Variants in NRG3 observed in about 807,000 individuals in gnomAD.
NRG3 encodes the protein neuregulin 3, also known as pro-neuregulin-3, membrane-bound isoform.
NRG3 carries 31 observed loss-of-function variants against 66.9 expected under a neutral mutation model. The observed-to-expected ratio is 0.46, with a 90% CI of 0.35 to 0.63. The LOEUF is 0.63. Ranked by LOEUF, NRG3 falls within the 20% of genes least tolerant of loss-of-function variation. The pLI, the probability that NRG3 is intolerant of heterozygous loss-of-function variation, is 0.00. For missense variants in NRG3, 910 were observed against 878.9 expected (o/e 1.04, Z -0.45); for synonymous variants, 393 against 359.4 (o/e 1.09, Z -1.06).
At chr10:82,257,666 A>G (rs888150022) in intron 1 of NRG3, among the ~76,000 whole-genome samples, 1 of 152,144 alleles carries the variant, frequency 6.6e-6, no homozygotes, top group Non-Finnish European at 1.5e-5. Context: ...ACTCAGGAGC[A>G]TGAGGTGGTA....
At chr10:82,472,780 G>A (rs1408920146) in intron 2 of NRG3, among the ~76,000 whole-genome samples, 3 of 152,158 alleles carry the variant, frequency 2.0e-5, no homozygotes, top group Admixed American at 1.3e-4. Flanking sequence ...CACTTTAAGA[G>A]ACTCATCTAC....
At chr10:82,502,479 A>C (rs1027409969) in intron 2 of NRG3, among the ~76,000 whole-genome samples, 1 of 152,232 alleles carries the variant, frequency 6.6e-6, no homozygotes, top group Non-Finnish European at 1.5e-5. Flanking sequence ...CTAAGCACCT[A>C]AATAAAGAGC....
intron 3 of NRG3, among the ~76,000 whole-genome samples, chr10:82,756,597 A>G (rs1312379368): frequency 6.6e-6 from 1 of 152,120 alleles, no homozygotes; most frequent in East Asian, 1.9e-4. Flanking sequence ...TTCAGAGTGG[A>G]GAAAGAAATA....
intron 1 of NRG3, among the ~76,000 whole-genome samples, chr10:82,147,206 C>T (rs1399095605): frequency 1.3e-5 from 2 of 152,188 alleles, no homozygotes; most frequent in African/African-American, 4.8e-5. Flanking sequence ...TTTCTCACAT[C>T]AACCATGTGA....
chr10:82,623,400 A>T lies in NRG3; in HGVS notation c.954-115177A>T, dbSNP rs1363962262. 2.6e-5 allele frequency among the ~76,000 whole-genome samples: 4 copies of T among 152,136 alleles called. No homozygotes were observed. The East Asian group carries it at 5.8e-4, about 22-fold the overall frequency. On this transcript the variant is annotated intron_variant, in intron 2 of 8. Coordinates refer to ENST00000372141, the MANE Select transcript of NRG3 (RefSeq NM_001010848.4). ...TCTCCCAGAACTACTTAGTTCATTT[A>T]TCTCTTCTCCAGTGTGGACTCTGAA...
intron 2 of NRG3, among the ~76,000 whole-genome samples, chr10:82,640,998 T>G (rs2050534304): frequency 2.0e-5 from 3 of 151,488 alleles, no homozygotes; most frequent in Admixed American, 6.6e-5. Context: ...TCTTTAAATT[T>G]TTCAGTCTGT....
At chr10:82,160,392 CCTGG>C (rs746427816) in intron 1 of NRG3, among the ~76,000 whole-genome samples, 22 of 152,012 alleles carry the variant, frequency 1.4e-4, no homozygotes, top group Middle Eastern at 3.4e-3. Context: ...TCTGAAGGTT[CCTGG>C]GAAAAGTCAT....
chr10:82,628,295 G>T (rs2133694481), intron 2 of NRG3, among the ~76,000 whole-genome samples: 1 of 152,218 alleles, frequency 6.6e-6, no homozygotes, highest in Admixed American at 6.5e-5. Flanking sequence ...TTACAAAGCT[G>T]TTCAGGAGAC....
intron 2 of NRG3, among the ~76,000 whole-genome samples, chr10:82,596,141 A>C (rs1216981925): frequency 6.6e-6 from 1 of 152,210 alleles, no homozygotes; most frequent in East Asian, 1.9e-4. Context: ...GCTTGCTTGC[A>C]AAAGGAGCCT....
chr10:82,166,086 G>A (rs372352196), intron 1 of NRG3, among the ~76,000 whole-genome samples: 3 of 151,854 alleles, frequency 2.0e-5, no homozygotes, highest in African/African-American at 4.8e-5. Context: ...GCAACAGCGC[G>A]ATCTCAGCTC....
intron 1 of NRG3, among the ~76,000 whole-genome samples, chr10:81,911,512 G>A (rs1845144767): frequency 6.6e-6 from 1 of 151,156 alleles, no homozygotes; most frequent in South Asian, 2.1e-4. Flanking sequence ...TTTGGTTTAA[G>A]CCCGAAAAAG....
intron 3 of NRG3, among the ~76,000 whole-genome samples, chr10:82,766,932 G>A (rs1307991932): frequency 6.7e-6 from 1 of 149,150 alleles, no homozygotes; most frequent in Non-Finnish European, 1.5e-5. Context: ...TTACTCATAG[G>A]TATATTTTGA....
At position 81,910,640 on chromosome 10, in the gene NRG3, C is replaced by T. The variant is rs180763840; in HGVS notation, c.823+34477C>T. Among the ~76,000 whole-genome samples, 63 of 152,138 alleles carry T rather than the reference C, an allele frequency of 4.1e-4. 1 individual carries two copies. Among genetic ancestry groups the T allele is most frequent in the African/African-American group, 1.4e-3 (59 of 41,502 alleles). On this transcript the variant is annotated intron_variant, in intron 1 of 8. Transcript: ENST00000372141. ...TAAGGAGCACAATTATTTTGATAAA[C>T]TTCTTTTTTACTTTTTCATTTTCTA...
chr10:81,914,951 C>T (rs558717045), intron 1 of NRG3, among the ~76,000 whole-genome samples: 14 of 152,094 alleles, frequency 9.2e-5, no homozygotes, highest in South Asian at 2.1e-4. Context: ...TTTAAACTAA[C>T]GACACAAATA....
chr10:82,358,480 T>C (rs971402195), intron 1 of NRG3, among the ~76,000 whole-genome samples: 1 of 152,192 alleles, frequency 6.6e-6, no homozygotes, highest in African/African-American at 2.4e-5. Flanking sequence ...CAGCTTTTAG[T>C]GTTTACTTGT....
intron 1 of NRG3, among the ~76,000 whole-genome samples, chr10:82,342,169 A>G (rs2082719752): frequency 6.6e-6 from 1 of 151,972 alleles, no homozygotes; most frequent in Non-Finnish European, 1.5e-5. Context: ...TCATCCATTA[A>G]TGAATACTTA....
intron 1 of NRG3, among the ~76,000 whole-genome samples, chr10:82,193,314 G>T (rs2074265582): frequency 6.6e-6 from 1 of 151,856 alleles, no homozygotes; most frequent in Admixed American, 6.6e-5. Flanking sequence ...GGCTAATTTG[G>T]GTATTTTTAG....
At chr10:82,423,635 A>G (rs2089228026) in intron 2 of NRG3, among the ~76,000 whole-genome samples, 1 of 151,968 alleles carries the variant, frequency 6.6e-6, no homozygotes, top group Non-Finnish European at 1.5e-5. Context: ...TTTTAAGTCT[A>G]TTTTTTAAAG....
At chr10:82,576,645 C>A (rs2046050951) in intron 2 of NRG3, among the ~76,000 whole-genome samples, 1 of 151,842 alleles carries the variant, frequency 6.6e-6, no homozygotes, top group Non-Finnish European at 1.5e-5. Context: ...TTTTGAAGAA[C>A]TTGATGTGCT....
Sources: allele counts gnomAD v4.1 joint callset (sites outside exome capture counted in the v4.1 genomes callset), GRCh38; gene constraint gnomAD v4.1.1; transcripts MANE v1.5; gene names NCBI Gene and HGNC (gene_info 2026-07-23, HGNC 2026-07-21).